Variants in APEH observed in about 807,000 individuals in gnomAD.
APEH encodes the protein acylamino-acid-releasing enzyme.
Under a neutral mutation model 102.7 loss-of-function variants are expected in APEH, and 75 were observed. That is an observed-to-expected ratio of 0.73 (90% CI 0.61 to 0.89). The LOEUF (loss-of-function observed/expected upper bound fraction) is 0.89, where lower values mean the gene tolerates loss of function less well. APEH is among the 40% of genes least tolerant of loss of function. The pLI is 0.00. For synonymous variants in APEH, 344 were observed against 362.7 expected (o/e 0.95, Z 0.59); for missense variants, 863 against 941.2 (o/e 0.92, Z 1.09).
upstream of APEH, among the ~76,000 whole-genome samples, chr3:49,673,311 C>T (rs535966464): frequency 1.1e-4 from 17 of 151,932 alleles, no homozygotes; most frequent in African/African-American, 4.1e-4. Flanking sequence ...CTGTTGGCAC[C>T]TTAGCCCAGC....
At position 49,683,013 on chromosome 3, in the gene APEH, GCTCCCCA is replaced by G. The variant is rs756150997; in HGVS notation, c.1987-23_1987-17del. On this transcript the variant is annotated intron_variant, in intron 20 of 21. Transcript: ENST00000296456. The stretch of plus-strand genomic sequence containing the variant: ...AGAATCCAGGGCCCAGCTCAACACA[GCTCCCCA>G]CTCTTCCCCAAACACCCAGGTGAAG... 1 of 1,612,062 alleles carries G rather than the reference GCTCCCCA, an allele frequency of 6.2e-7. No individual in the cohort carries two copies. The highest frequency in any genetic ancestry group is 1.3e-5 in the African/African-American group (1 of 74,964).
At position 49,676,711 on chromosome 3, in the gene APEH, G is replaced by A; in HGVS notation, c.836+11G>A. 2 of 1,614,264 alleles carry A rather than the reference G, an allele frequency of 1.2e-6. No homozygotes were observed. The highest frequency in any genetic ancestry group is 1.7e-6 in the Non-Finnish European group (2 of 1,180,040). ...TTGCACCAATCGCAGGTGAGGGAGTGGGGCAAGGCAAGGGGCCTTGCAGCC... is the reference window on the plus strand; with the variant it reads ...TTGCACCAATCGCAGGTGAGGGAGTAGGGCAAGGCAAGGGGCCTTGCAGCC... On this transcript the variant is annotated intron_variant, in intron 8 of 21. Transcript: ENST00000296456.
At chr3:49,682,293 C>G in intron 17 of APEH, 55 bp from the exon 18 acceptor site, 1 of 1,502,726 alleles carries the variant, frequency 6.7e-7, no homozygotes, top group Non-Finnish European at 9.2e-7. Flanking sequence ...AAAAGAGCGT[C>G]GAGGGGGCTG....
chr3:49,677,165 G>T (rs1266948652), intron 10 of APEH, 141 bp downstream of exon 10: 12 of 1,277,446 alleles, frequency 9.4e-6, no homozygotes, highest in Non-Finnish European at 1.1e-5. Flanking sequence ...TGTGAGTTCT[G>T]CCTGTCCTCT....
Position 49,674,429 on chromosome 3 carries a change from G to T in APEH, c.12+16G>T. On this transcript the variant is annotated intron_variant, in intron 1 of 21. Transcript: ENST00000296456. The stretch of plus-strand genomic sequence containing the variant: ...GGAACGTCAGGTGAGGGCTCGGCCC[G>T]CGGTCCCCGTGGTCCCTGCAGCCCG... 1 of 1,572,552 alleles carries T rather than the reference G, an allele frequency of 6.4e-7. No individual in the cohort carries two copies. Among genetic ancestry groups the T allele is most frequent in the Non-Finnish European group, 8.6e-7 (1 of 1,165,590 alleles).
upstream of APEH, among the ~76,000 whole-genome samples, chr3:49,673,339 C>T (rs1318716090): frequency 6.6e-6 from 1 of 151,950 alleles, no homozygotes; most frequent in East Asian, 1.9e-4. Context: ...GTACCACGTG[C>T]ACAGGGAACC....
At position 49,683,419 on chromosome 3, in the gene APEH, G is replaced by C. The variant is rs2053448086; in HGVS notation, c.*77G>C. 1 of 1,317,870 alleles carries C rather than the reference G, an allele frequency of 7.6e-7. No individual in the cohort carries two copies. 81.6% of individuals were successfully genotyped at this position (1,317,870 alleles called of 1,614,324 possible). A position where few individuals can be genotyped will look rare whatever the true frequency, so the allele number is the denominator to read the frequency against. On this transcript the variant is annotated 3_prime_UTR_variant, in exon 22 of 22. Transcript: ENST00000296456. ...AGGAGCTCAACGGTCTGGCAGGGCAGCAGGAGGCTTTCTGGGCTCTGGACT... is the reference window on the plus strand; with the variant it reads ...AGGAGCTCAACGGTCTGGCAGGGCACCAGGAGGCTTTCTGGGCTCTGGACT...
intron 11 of APEH, 69 bp from the exon 12 acceptor site, chr3:49,678,783 A>C (rs374387422): frequency 1.5e-6 from 2 of 1,336,370 alleles, no homozygotes; most frequent in African/African-American, 1.4e-5. Context: ...CCAGTACCCT[A>C]GCCTTCCTTG....
chr3:49,677,648 G>T lies in APEH; in HGVS notation c.1060+15G>T. On this transcript the variant is annotated intron_variant, in intron 11 of 21. Coordinates refer to ENST00000296456, the MANE Select transcript of APEH (RefSeq NM_001640.4). ...GCAGCTGGGAGGTAAGGCATACCTG[G>T]CTGGGTGGGTGCAGTGGGGCCTGTA... is the stretch of plus-strand genomic sequence containing the variant. 6.2e-6 allele frequency: 10 copies of T among 1,610,550 alleles called. No homozygotes were observed. Among genetic ancestry groups the T allele is most frequent in the Non-Finnish European group, 8.5e-6 (10 of 1,176,960 alleles).
intron 11 of APEH, 140 bp downstream of exon 11, chr3:49,677,773 C>T: frequency 1.2e-6 from 1 of 832,548 alleles, no homozygotes; most frequent in Non-Finnish European, 2.0e-6. Flanking sequence ...TTATGCCCAG[C>T]ATCCTCAGGG....
At position 49,679,270 on chromosome 3, in the gene APEH, C is replaced by T. The variant is rs2053211781; in HGVS notation, c.1158+321C>T. 6.6e-6 allele frequency among the ~76,000 whole-genome samples: 1 copy of T among 152,200 alleles called. No individual in the cohort carries two copies. Among genetic ancestry groups the T allele is most frequent in the Non-Finnish European group, 1.5e-5 (1 of 68,026 alleles). On this transcript the variant is annotated intron_variant, in intron 12 of 21. Coordinates refer to ENST00000296456, the MANE Select transcript of APEH (RefSeq NM_001640.4). This position sits in a 1 kb window ranked among gnomAD's most constrained non-coding sequence, Gnocchi z 4.3. ...CAGCTGATGGGGACAGGACTGAGGC[C>T]TTCCCCCAGGGATGGAGTAAAGCCA...
chr3:49,681,690 T>C (rs2053325793), intron 15 of APEH, 32 bp from the exon 16 acceptor site: 1 of 1,520,490 alleles, frequency 6.6e-7, no homozygotes, highest in Non-Finnish European at 8.9e-7. Flanking sequence ...GCCCCTAGGC[T>C]CACCCTGCTG....
rs959305239 is a variant in APEH at position 49,674,548 on chromosome 3, C to T, written c.72C>T (p.Pro24=). ...AALYRGLSRQ[P]ALSAACLGPE... The stretch of plus-strand genomic sequence containing the variant: ...TGTATCGGGGCCTTAGCCGCCAGCC[C>T]GCGCTGAGCGCCGCCTGCCTGGGCC... The change falls in exon 2 of 22, where the codon CCC becomes CCT. Residue 24 remains proline (P), a synonymous_variant. Coordinates refer to ENST00000296456, the MANE Select transcript of APEH (RefSeq NM_001640.4). 3 of 1,565,044 alleles carry T rather than the reference C, an allele frequency of 1.9e-6. No homozygotes were observed. Among genetic ancestry groups the T allele is most frequent in the African/African-American group, 1.3e-5 (1 of 74,590 alleles).
Position 49,680,595 on chromosome 3 carries a change from C to T in APEH, c.1265C>T (p.Ala422Val), listed in dbSNP as rs763596240. The part of the protein sequence containing the change: ...LLTIDQDLMV[A>V]QFSTPSLPPT... ...ACAATTGACCAGGACCTCATGGTGG[C>T]ACAGTTTTCCACACCCAGCCTACCT... is the stretch of plus-strand genomic sequence containing the variant. Residue 422 changes from alanine (A) to valine (V), a missense_variant, in exon 14 of 22, where the codon GCA (alanine) becomes GTA (valine). By Grantham distance (64) the Ala-to-Val change is moderately conservative. Transcript: ENST00000296456. 1 of 1,614,076 alleles carries T rather than the reference C, an allele frequency of 6.2e-7. No homozygotes were observed. The highest frequency in any genetic ancestry group is 8.5e-7 in the Non-Finnish European group (1 of 1,180,016).
Position 49,675,499 on chromosome 3 carries a change from A to C in APEH, c.272+190A>C. The C allele has an allele frequency of 4.0e-6, 4 of 1,011,352 alleles. No individual in the cohort carries two copies. In the South Asian group the frequency reaches 6.4e-5, roughly 16 times the overall value. The allele number at this position is 1,011,352 out of a possible 1,614,324, so 62.6% of individuals were successfully genotyped here. ...TTGCTCCAAACTCAGCCTGGACTAG[A>C]GCCCATGGTGGCCTGGGGAGTTGCA... On this transcript the variant is annotated intron_variant, in intron 3 of 21. Transcript: ENST00000296456.
rs1228031323 is a variant in APEH, at chr3:49,679,722, A to G, written c.1210+78A>G. On this transcript the variant is annotated intron_variant, in intron 13 of 21. Transcript: ENST00000296456. This position sits in a 1 kb window ranked among gnomAD's most constrained non-coding sequence, Gnocchi z 4.3. Reference sequence around the variant, plus strand: ...CCAGGCAGCGGGGGACTGGAGCTCCAACATGTGGGGCAGTGATGGCATTCT... The same window carrying G: ...CCAGGCAGCGGGGGACTGGAGCTCCGACATGTGGGGCAGTGATGGCATTCT... 3 of 1,442,642 alleles carry G rather than the reference A, an allele frequency of 2.1e-6. No homozygotes were observed. Among genetic ancestry groups the G allele is most frequent in the Non-Finnish European group, 1.9e-6 (2 of 1,028,096 alleles). 89.4% of individuals were successfully genotyped at this position (1,442,642 alleles called of 1,614,324 possible).
intron 6 of APEH, 76 bp downstream of exon 6, chr3:49,676,295 G>A (rs1575467017): frequency 1.2e-6 from 2 of 1,611,518 alleles, no homozygotes; most frequent in South Asian, 2.2e-5. Flanking sequence ...TACTGTGCCT[G>A]TCAGACCTGG....
At chr3:49,674,457 C>G in intron 1 of APEH, 32 bp from the exon 2 acceptor site, 1 of 1,568,548 alleles carries the variant, frequency 6.4e-7, no homozygotes, top group South Asian at 1.2e-5. Flanking sequence ...GCAGCCCGGG[C>G]CGGGCCTGAC....
intron 11 of APEH, among the ~76,000 whole-genome samples, 187 bp downstream of exon 11, chr3:49,677,820 G>A (rs1318892087): frequency 1.3e-5 from 2 of 152,148 alleles, no homozygotes; most frequent in African/African-American, 2.4e-5. Context: ...GGCTGTCACC[G>A]TAGGGAACAG....
Sources: gnomAD v4.1 joint callset for allele counts (sites outside exome capture counted in the v4.1 genomes callset) on GRCh38, gnomAD v4.1.1 for gene constraint, Gnocchi (gnomAD v3.1) non-coding constraint, MANE v1.5 for transcripts, NCBI Gene and HGNC (gene_info 2026-07-23, HGNC 2026-07-21) for gene names.